The following FAM13A variants were observed in gnomAD, a reference collection of about 807,000 sequenced individuals.
FAM13A encodes protein FAM13A.
A neutral mutation model predicts 129.6 loss-of-function variants in FAM13A; 76 were observed. The observed-to-expected ratio is 0.59, with a 90% confidence interval of 0.49 to 0.71. FAM13A has a LOEUF of 0.71. Ranked by LOEUF, FAM13A falls within the 30% of genes least tolerant of loss-of-function variation. The pLI is 0.00. For synonymous variants in FAM13A, 443 were observed against 449.9 expected, an observed-to-expected ratio of 0.98 and a Z score of 0.20; for missense variants, 1,108 against 1,249.3, an observed-to-expected ratio of 0.89 and a Z score of 1.70.
chr4:88,753,745 T>C (rs1743100206), intron 14 of FAM13A: 1 of 288,542 alleles, frequency 3.5e-6, no homozygotes, highest in African/African-American at 2.3e-5. Context: ...AATAAAACTG[T>C]TCCCCATTTT....
At chr4:88,759,592 C>A (rs1744394930) in intron 13 of FAM13A, 1 of 152,122 alleles carries the variant, frequency 6.6e-6, no homozygotes, top group South Asian at 2.1e-4. Flanking sequence ...GCCAAAATTA[C>A]ACAGGGAGCA....
At chr4:88,791,015 C>CA (rs1725031926) in intron 8 of FAM13A, among the ~76,000 whole-genome samples, 1 of 152,086 alleles carries the variant, frequency 6.6e-6, no homozygotes, top group African/African-American at 2.4e-5. Flanking sequence ...TTTCCCAGCC[C>CA]AAATCCATTC....
At chr4:88,786,815 G>A (rs918700952) in intron 10 of FAM13A, among the ~76,000 whole-genome samples, 23 of 151,824 alleles carry the variant, frequency 1.5e-4, no homozygotes, top group Non-Finnish European at 2.2e-4. Flanking sequence ...AGGGTTTAAT[G>A]TAGATTATGA....
intron 21 of FAM13A, among the ~76,000 whole-genome samples, chr4:88,733,200 G>A (rs1032344863): frequency 9.9e-5 from 15 of 152,198 alleles, no homozygotes; most frequent in African/African-American, 3.1e-4. Flanking sequence ...GTACAAGTGT[G>A]CAAATGGTTC....
rs913211822 is a variant in FAM13A at position 88,760,079 on chromosome 4, A to G, written c.1579-1178T>C. ...AAAAAACTAAGAACATCTGGAAATC[A>G]TAAGTGATTTCATTAATGTATGAGA... On this transcript the variant is annotated intron_variant, in intron 13 of 23. Transcript: ENST00000264344. Among the ~76,000 whole-genome samples, 4 of 152,380 alleles carry G rather than the reference A, an allele frequency of 2.6e-5. No homozygotes were observed. The East Asian group carries it at 7.7e-4, about 29-fold the overall frequency.
At chr4:88,833,103 A>G (rs1339934020) in intron 7 of FAM13A, among the ~76,000 whole-genome samples, 1 of 152,204 alleles carries the variant, frequency 6.6e-6, no homozygotes, top group Non-Finnish European at 1.5e-5. Context: ...GCCAGAAGCC[A>G]TTATCCATAG....
At chr4:88,753,924 C>T (rs74679996) in intron 14 of FAM13A, among the ~76,000 whole-genome samples, 457 of 152,282 alleles carry the variant, frequency 3.0e-3, no homozygotes, top group Non-Finnish European at 4.8e-3. Flanking sequence ...CCTGACCATT[C>T]CCAATTGCTA....
At chr4:89,042,147 CAG>C (rs1050851367) in intron 1 of FAM13A, among the ~76,000 whole-genome samples, 4 of 151,626 alleles carry the variant, frequency 2.6e-5, no homozygotes, top group Non-Finnish European at 5.9e-5. Context: ...AACTCCTTAA[CAG>C]GGGAGCAATA....
chr4:88,902,365 A>T (rs1374499168), intron 6 of FAM13A, among the ~76,000 whole-genome samples: 1 of 152,156 alleles, frequency 6.6e-6, no homozygotes, highest in Non-Finnish European at 1.5e-5. Context: ...TCAATAAAAC[A>T]CTGGCAAACC....
chr4:88,845,501 G>C (rs1230104177), intron 7 of FAM13A, among the ~76,000 whole-genome samples: 1 of 151,982 alleles, frequency 6.6e-6, no homozygotes, highest in Non-Finnish European at 1.5e-5. Flanking sequence ...TGGACAGAAG[G>C]GCGAGGGAAG....
intron 3 of FAM13A, among the ~76,000 whole-genome samples, chr4:89,005,775 A>G (rs1764913740): frequency 6.7e-6 from 1 of 149,192 alleles, no homozygotes; most frequent in Non-Finnish European, 1.5e-5. Flanking sequence ...TTTCTTTCCT[A>G]AATTTGTTTA....
At chr4:88,899,099 T>C (rs1449472205) in intron 6 of FAM13A, among the ~76,000 whole-genome samples, 1 of 147,658 alleles carries the variant, frequency 6.8e-6, no homozygotes, top group East Asian at 1.9e-4. Context: ...TATGTATATA[T>C]ACACACACAC....
At chr4:88,989,533 T>G (rs1352804718) in intron 4 of FAM13A, 1 of 152,092 alleles carries the variant, frequency 6.6e-6, no homozygotes, top group Admixed American at 6.6e-5. Flanking sequence ...GCCCGGAGGG[T>G]GGAGGTTGCA....
At chr4:88,843,670 A>G (rs1432409711) in intron 7 of FAM13A, among the ~76,000 whole-genome samples, 1 of 152,254 alleles carries the variant, frequency 6.6e-6, no homozygotes, top group East Asian at 1.9e-4. Context: ...AATATTGCTG[A>G]AAGTCTGATT....
At chr4:88,924,036 G>A (rs1174657955) in intron 5 of FAM13A, among the ~76,000 whole-genome samples, 1 of 151,878 alleles carries the variant, frequency 6.6e-6, no homozygotes, top group East Asian at 1.9e-4. Context: ...ACAAACCACT[G>A]CTCAATGAAA....
intron 7 of FAM13A, among the ~76,000 whole-genome samples, chr4:88,818,829 T>G (rs577868122): frequency 9.9e-5 from 15 of 152,224 alleles, no homozygotes; most frequent in African/African-American, 3.6e-4. Flanking sequence ...AACTGAAAGG[T>G]GTCATCTCCA....
At chr4:88,943,343 T>C (rs890267580) in intron 4 of FAM13A, among the ~76,000 whole-genome samples, 1 of 152,202 alleles carries the variant, frequency 6.6e-6, no homozygotes, top group Non-Finnish European at 1.5e-5. Flanking sequence ...AGAAATGATG[T>C]TTAATCTTTG....
chr4:88,749,074 G>A (rs746558064), intron 16 of FAM13A, 41 bp from the exon 17 acceptor site: 1 of 1,397,098 alleles, frequency 7.2e-7, no homozygotes, highest in South Asian at 1.2e-5. Context: ...TGGAACTGGA[G>A]CAGGGAAAGT....
chr4:88,854,146 C>G (rs1211389067), intron 6 of FAM13A, among the ~76,000 whole-genome samples: 1 of 152,178 alleles, frequency 6.6e-6, no homozygotes, highest in East Asian at 1.9e-4. Flanking sequence ...AACATCTATC[C>G]TATTAGTTCT....
Sources: gnomAD v4.1 joint callset for allele counts (sites outside exome capture counted in the v4.1 genomes callset) on GRCh38, gnomAD v4.1.1 for gene constraint, MANE v1.5 for transcripts, NCBI Gene and HGNC (gene_info 2026-07-23, HGNC 2026-07-21) for gene names.